NUP37: variants seen among roughly 807,000 people sequenced by gnomAD.
The protein encoded by NUP37 is nucleoporin Nup37.
A neutral mutation model predicts 45.4 loss-of-function variants in NUP37; 33 were observed. The observed-to-expected ratio is 0.73, with a 90% CI of 0.55 to 0.97. NUP37 has a LOEUF of 0.97. Ranked by LOEUF, NUP37 falls within the 50% of genes least tolerant of loss-of-function variation. NUP37 has a pLI of 0.00. For missense variants in NUP37, 365 were observed against 389.7 expected, an observed-to-expected ratio of 0.94 and a Z score of 0.53; for synonymous variants, 127 against 130.7, an observed-to-expected ratio of 0.97 and a Z score of 0.19.
At chr12:102,092,367 A>G (rs1395705539) in intron 5 of NUP37, among the ~76,000 whole-genome samples, 1 of 152,232 alleles carries the variant, frequency 6.6e-6, no homozygotes, top group Non-Finnish European at 1.5e-5. Context: ...AGTAAGAAAG[A>G]AAAGAACAAA....
intron 3 of NUP37, among the ~76,000 whole-genome samples, chr12:102,104,443 C>T (rs992180606): frequency 2.6e-5 from 4 of 152,128 alleles, no homozygotes; most frequent in Non-Finnish European, 5.9e-5. Context: ...CTGTTGACTT[C>T]CCTTGCCATG....
In NUP37 at chr12:102,112,178, G is replaced by C. The variant is rs1456746674; in HGVS notation, c.211C>G (p.His71Asp). The C allele has an allele frequency of 2.5e-6, 4 of 1,613,462 alleles. 1 individual carries two copies. In the South Asian group the frequency reaches 4.4e-5, roughly 18 times the overall value. ...IQYKTLRTFH[H>D]GVRVDGIAWS... ...GCTATGCCATCAACCCTGACTCCAT[G>C]GTGAAATGTTCGAAGTGTTTTATAC... Residue 71 changes from histidine (H) to aspartate (D), a missense_variant, in exon 3 of 10, where the codon CAT (histidine) becomes GAT (aspartate). Physicochemically the swap from His to Asp is moderately conservative, Grantham distance 81. Transcript: ENST00000552283.
intron 3 of NUP37, among the ~76,000 whole-genome samples, chr12:102,105,033 C>T (rs1880090456): frequency 6.6e-6 from 1 of 152,166 alleles, no homozygotes; most frequent in Non-Finnish European, 1.5e-5. Flanking sequence ...GTAGCACAGA[C>T]ACTTTAACAC....
chr12:102,115,777 T>C (rs1243802909), intron 2 of NUP37: 7 of 945,396 alleles, frequency 7.4e-6, no homozygotes, highest in South Asian at 4.9e-5. Flanking sequence ...CTGTCAGGAA[T>C]GTGAAAATCT....
intron 5 of NUP37, among the ~76,000 whole-genome samples, chr12:102,091,108 CACAG>C (rs1287056749): frequency 6.6e-6 from 1 of 152,084 alleles, no homozygotes; most frequent in Non-Finnish European, 1.5e-5. Context: ...TTTAAAAGCT[CACAG>C]CCGGCCAGGC....
In NUP37 at chr12:102,118,508, T is replaced by C. The variant is rs1390654456; in HGVS notation, c.11A>G (p.Asp4Gly). The change falls in exon 2 of 10, where the codon GAT (aspartate) becomes GGT (glycine). Residue 4 changes from aspartate (D) to glycine (G), a missense_variant. Coordinates refer to ENST00000552283, the MANE Select transcript of NUP37 (RefSeq NM_024057.4). ...AGTGTAGGCAGCATTTCTTGAGGCATCTTGCTTCATCTTGTATGTCAAAAT... is the reference window on the plus strand; with the variant it reads ...AGTGTAGGCAGCATTTCTTGAGGCACCTTGCTTCATCTTGTATGTCAAAAT... MKQ[D>G]ASRNAAYTVD... 3.1e-6 allele frequency: 5 copies of C among 1,608,048 alleles called. No individual in the cohort carries two copies. In the South Asian group the frequency reaches 3.4e-5, roughly 11 times the overall value.
chr12:102,101,765 C>T (rs946061561), intron 3 of NUP37, among the ~76,000 whole-genome samples: 1 of 152,036 alleles, frequency 6.6e-6, no homozygotes, highest in African/African-American at 2.4e-5. Context: ...TGCTCTGTTG[C>T]CCAGGCTGGA....
intron 7 of NUP37, chr12:102,077,078 A>G: frequency 3.3e-6 from 2 of 610,340 alleles, no homozygotes; most frequent in Non-Finnish European, 2.9e-6. Flanking sequence ...ATTTTCCAAT[A>G]TAAGTCAACA....
intron 5 of NUP37, among the ~76,000 whole-genome samples, chr12:102,094,338 C>T (rs1373118866): frequency 6.6e-6 from 1 of 152,054 alleles, no homozygotes; most frequent in Non-Finnish European, 1.5e-5. Flanking sequence ...TGTAAATTAT[C>T]CTGATTATAC....
intron 6 of NUP37, among the ~76,000 whole-genome samples, chr12:102,080,929 G>T (rs1426894911): frequency 1.3e-5 from 2 of 152,206 alleles, no homozygotes; most frequent in Non-Finnish European, 2.9e-5. Flanking sequence ...GACTACGGAA[G>T]GGCTAAGTCT....
chr12:102,114,949 C>T lies in NUP37; in HGVS notation c.157-2717G>A, dbSNP rs570718953. Among the ~76,000 whole-genome samples the T allele has an allele frequency of 3.3e-5, 5 of 152,328 alleles. No individual in the cohort carries two copies. In the East Asian group the frequency reaches 5.8e-4, roughly 18 times the overall value. ...ATCTCTGGAACCACACCAAATCAGTCTAACTTAATGATGACAAATATCTGG... is the reference window on the plus strand; with the variant it reads ...ATCTCTGGAACCACACCAAATCAGTTTAACTTAATGATGACAAATATCTGG... On this transcript the variant is annotated intron_variant, in intron 2 of 9. Coordinates refer to ENST00000552283, the MANE Select transcript of NUP37 (RefSeq NM_024057.4).
chr12:102,075,957 A>G (rs1205856727), intron 8 of NUP37, among the ~76,000 whole-genome samples: 1 of 151,914 alleles, frequency 6.6e-6, no homozygotes. Flanking sequence ...TCTTGTAACT[A>G]TGAAGCAACA....
chr12:102,074,224 A>C lies in NUP37; in HGVS notation c.*130T>G, dbSNP rs74559621. 385 of 499,156 alleles carry C rather than the reference A, an allele frequency of 7.7e-4. 1 individual carries two copies. The highest frequency in any genetic ancestry group is 6.9e-3 in the African/African-American group (351 of 50,930). 30.9% of individuals were successfully genotyped at this position (499,156 alleles called of 1,614,324 possible). The stretch of plus-strand genomic sequence containing the variant: ...AACCATCAACATTTTATTTAATAAA[A>C]GCAACTGAGACATTTTCTAAAGTAT... On this transcript the variant is annotated 3_prime_UTR_variant, in exon 10 of 10. Transcript: ENST00000552283.
chr12:102,076,341 C>T (rs1294164546), intron 8 of NUP37, among the ~76,000 whole-genome samples: 4 of 152,152 alleles, frequency 2.6e-5, no homozygotes, highest in Non-Finnish European at 1.5e-5. Context: ...TTAAGGACCA[C>T]ACTATACAAT....
chr12:102,100,951 T>C (rs573508998), intron 4 of NUP37, 81 bp downstream of exon 4: 9 of 790,684 alleles, frequency 1.1e-5, no homozygotes, highest in African/African-American at 3.6e-5. Context: ...CCATTTTAAA[T>C]TGGAATAAAT....
At position 102,074,768 on chromosome 12, in the gene NUP37, T is replaced by G. The variant is rs551690313; in HGVS notation, c.867+233A>C. 2.2e-5 allele frequency: 10 copies of G among 445,874 alleles called. No individual in the cohort carries two copies. The East Asian group carries it at 3.5e-4, about 16-fold the overall frequency. 27.6% of individuals were successfully genotyped at this position (445,874 alleles called of 1,614,324 possible). A position where few individuals can be genotyped will look rare whatever the true frequency, so the allele number is the denominator to read the frequency against. ...ATATAAAAGCAACAGAATAAAAAGC[T>G]TCTTATATGAATACTGGCCAAAAAA... On this transcript the variant is annotated intron_variant, in intron 9 of 9. Transcript: ENST00000552283.
At chr12:102,082,723 T>C (rs1879363635) in intron 6 of NUP37, among the ~76,000 whole-genome samples, 2 of 152,154 alleles carry the variant, frequency 1.3e-5, no homozygotes, top group East Asian at 3.8e-4. Context: ...TTAGCAGTGA[T>C]AGGATGAAAC....
At chr12:102,092,926 T>C (rs1879700241) in intron 5 of NUP37, among the ~76,000 whole-genome samples, 1 of 152,124 alleles carries the variant, frequency 6.6e-6, no homozygotes, top group African/African-American at 2.4e-5. Context: ...TAAGATTAGA[T>C]TAATTCTTTT....
intron 3 of NUP37, among the ~76,000 whole-genome samples, chr12:102,103,798 G>T (rs1880043623): frequency 6.6e-6 from 1 of 152,052 alleles, no homozygotes; most frequent in South Asian, 2.1e-4. Context: ...TGCAGAAAAA[G>T]AATGTGACTA....
Sources: gnomAD v4.1 joint callset for allele counts (sites outside exome capture counted in the v4.1 genomes callset) on GRCh38, gnomAD v4.1.1 for gene constraint, MANE v1.5 for transcripts, NCBI Gene and HGNC (gene_info 2026-07-23, HGNC 2026-07-21) for gene names.